Variants in DYM observed in about 807,000 individuals in gnomAD.
The protein encoded by DYM is dymeclin, also known as dyggve-Melchior-Clausen syndrome protein.
In DYM, 78 loss-of-function variants were observed where a neutral mutation model predicts 93.1. The ratio of observed to expected loss-of-function variants is 0.84; its 90% CI spans 0.70 to 1.01. The LOEUF is 1.01. Ranked by LOEUF, DYM falls within the 50% of genes least tolerant of loss-of-function variation. The pLI is 0.00. For missense variants in DYM, 789 were observed against 845.0 expected (o/e 0.93, Z 0.82); for synonymous variants, 321 against 319.7 (o/e 1.00, Z -0.04).
At chr18:49,421,706 C>T (rs1232002402) in intron 2 of DYM, among the ~76,000 whole-genome samples, 25 of 152,236 alleles carry the variant, frequency 1.6e-4, no homozygotes, top group Admixed American at 1.6e-3. Flanking sequence ...CAAACTTCTC[C>T]GAGCTAAAGG....
intron 17 of DYM, among the ~76,000 whole-genome samples, chr18:49,080,807 TCTC>T (rs1449443573): frequency 9.0e-6 from 1 of 111,572 alleles, no homozygotes; most frequent in East Asian, 2.7e-4. Flanking sequence ...GGGCGGAGGG[TCTC>T]CTCACTTCTC....
At chr18:49,287,828 CAAAAAAAAA>C (rs55895967) in intron 8 of DYM, among the ~76,000 whole-genome samples, 6 of 74,976 alleles carry the variant, frequency 8.0e-5, no homozygotes, top group African/African-American at 1.1e-4. Context: ...AACTCCGTCT[CAAAAAAAAA>C]AAAAAAAAAA....
At chr18:49,228,139 A>G (rs2144316261) in intron 13 of DYM, among the ~76,000 whole-genome samples, 1 of 152,294 alleles carries the variant, frequency 6.6e-6, no homozygotes, top group Middle Eastern at 3.4e-3. Flanking sequence ...TATACCCACT[A>G]TAGTGCTTGG....
At chr18:49,068,389 T>A (rs573929166) in intron 17 of DYM, among the ~76,000 whole-genome samples, 36 of 152,330 alleles carry the variant, frequency 2.4e-4, no homozygotes, top group Admixed American at 5.2e-4. Context: ...TTGGTCCACT[T>A]CCTTAGGAAC....
At chr18:49,077,972 G>A (rs1245173600) in intron 17 of DYM, among the ~76,000 whole-genome samples, 1 of 152,008 alleles carries the variant, frequency 6.6e-6, no homozygotes. Context: ...GTTTGCATCT[G>A]CCAATATCAT....
chr18:49,058,602 AC>A (rs998072370), intron 17 of DYM, among the ~76,000 whole-genome samples: 36 of 152,272 alleles, frequency 2.4e-4, no homozygotes, highest in African/African-American at 8.4e-4. Flanking sequence ...TGTGAGCCAC[AC>A]TGCCTGACAC....
At chr18:49,258,524 A>T in intron 11 of DYM, 31 bp from the exon 12 acceptor site, 1 of 1,332,436 alleles carries the variant, frequency 7.5e-7, no homozygotes, top group Non-Finnish European at 1.1e-6. Context: ...TTAAGTAAAA[A>T]ATGATTGCTT....
Position 49,212,529 on chromosome 18 carries a change from A to T in DYM, c.1461-2814T>A, listed in dbSNP as rs371016752. ...AATTTTTTTTTTTTGAGACAGTCTC[A>T]TTCTGTCACCCAGGCTGGAGTACAG... On this transcript the variant is annotated intron_variant, in intron 13 of 17. Coordinates refer to ENST00000675505, the MANE Select transcript of DYM (RefSeq NM_001353214.3). 1.8e-4 allele frequency among the ~76,000 whole-genome samples: 28 copies of T among 152,004 alleles called. No homozygotes were observed. The East Asian group carries it at 3.3e-3, about 18-fold the overall frequency.
chr18:49,094,242 C>CA lies in DYM; in HGVS notation c.2025+3159dup, dbSNP rs753214776. ...ATCTGAGGTGGTAGTGGTATGAGAA[C>CA]ACGCACGGATCTGGAAGAATTCTGA... On this transcript the variant is annotated intron_variant, in intron 17 of 17. Coordinates refer to ENST00000675505, the MANE Select transcript of DYM (RefSeq NM_001353214.3). Among the ~76,000 whole-genome samples, 4 of 152,156 alleles carry CA rather than the reference C, an allele frequency of 2.6e-5. No homozygotes were observed. In the East Asian group the frequency reaches 7.7e-4, roughly 29 times the overall value.
intron 11 of DYM, among the ~76,000 whole-genome samples, chr18:49,259,385 C>G (rs753970278): frequency 1.1e-4 from 17 of 152,192 alleles, no homozygotes; most frequent in Admixed American, 3.9e-4. Flanking sequence ...GAGGACAGAA[C>G]ACGTTAAATA....
At chr18:49,201,668 C>T (rs555475280) in intron 14 of DYM, among the ~76,000 whole-genome samples, 30 of 152,306 alleles carry the variant, frequency 2.0e-4, no homozygotes, top group Middle Eastern at 3.4e-3. Context: ...TGCCAAACAT[C>T]CTATTACTGC....
At chr18:49,097,069 T>C in intron 17 of DYM, 1 of 400,122 alleles carries the variant, frequency 2.5e-6, no homozygotes, top group Non-Finnish European at 4.7e-6. Context: ...TATTAGCTAC[T>C]CTTGTGATCA....
chr18:49,430,825 C>T (rs1429025185), intron 1 of DYM, among the ~76,000 whole-genome samples: 1 of 150,732 alleles, frequency 6.6e-6, no homozygotes, highest in Non-Finnish European at 1.5e-5. Context: ...GCAGAAGTTG[C>T]AGTGGGCCAA....
At chr18:49,259,757 C>T (rs1568122185) in intron 11 of DYM, among the ~76,000 whole-genome samples, 1 of 152,006 alleles carries the variant, frequency 6.6e-6, no homozygotes, top group Admixed American at 6.6e-5. Flanking sequence ...AAATAGAAAT[C>T]AAAACGTAAA....
chr18:49,100,982 G>C (rs939903693), intron 16 of DYM, among the ~76,000 whole-genome samples: 1 of 152,196 alleles, frequency 6.6e-6, no homozygotes, highest in African/African-American at 2.4e-5. Context: ...CCTTTCAGAT[G>C]TTGTCTGACT....
chr18:49,315,811 T>C (rs2146452759), intron 8 of DYM, among the ~76,000 whole-genome samples: 1 of 152,262 alleles, frequency 6.6e-6, no homozygotes, highest in East Asian at 1.9e-4. Flanking sequence ...TGAAAACATC[T>C]CAGTGATAAC....
At chr18:49,151,945 A>C (rs16950376) in intron 15 of DYM, among the ~76,000 whole-genome samples, 1,527 of 152,330 alleles carry the variant, frequency 0.01, 42 homozygotes, top group South Asian at 0.075. Flanking sequence ...AGCTCTATGC[A>C]GCAGGAAGTA....
chr18:49,252,089 C>T (rs1215410512), intron 13 of DYM, among the ~76,000 whole-genome samples: 1 of 151,036 alleles, frequency 6.6e-6, no homozygotes. Context: ...TGGCATGCAC[C>T]TACCTGTAAT....
chr18:49,100,550 G>C (rs1599742480), intron 16 of DYM, among the ~76,000 whole-genome samples: 1 of 152,024 alleles, frequency 6.6e-6, no homozygotes, highest in Admixed American at 6.6e-5. Flanking sequence ...TTTTCAAACT[G>C]GTTCTCATTT....
Sources: allele counts gnomAD v4.1 joint callset (sites outside exome capture counted in the v4.1 genomes callset), GRCh38; gene constraint gnomAD v4.1.1; transcripts MANE v1.5; gene names NCBI Gene and HGNC (gene_info 2026-07-23, HGNC 2026-07-21).